EPS15L1: variants seen among roughly 807,000 people sequenced by gnomAD.
The protein encoded by EPS15L1 is epidermal growth factor receptor substrate 15-like 1.
In EPS15L1, 43 loss-of-function variants were observed where a neutral mutation model predicts 117.1. The observed-to-expected ratio is 0.37, with a 90% CI of 0.29 to 0.47. The LOEUF is 0.47. EPS15L1 is among the 20% of genes least tolerant of loss of function. EPS15L1 has a pLI of 0.99. For synonymous variants in EPS15L1, 459 were observed against 470.5 expected (o/e 0.98, Z 0.32); for missense variants, 981 against 1,164.0 (o/e 0.84, Z 2.29).
intron 17 of EPS15L1, 49 bp downstream of exon 17, chr19:16,395,295 C>T: frequency 6.4e-7 from 1 of 1,569,668 alleles, no homozygotes; most frequent in African/African-American, 1.4e-5. Context: ...CTAAATTCGA[C>T]ATAAAACACA....
intron 10 of EPS15L1, 49 bp from the exon 11 acceptor site, chr19:16,418,153 G>T: frequency 1.9e-6 from 3 of 1,562,052 alleles, no homozygotes; most frequent in South Asian, 1.2e-5. Context: ...CGCCGACTCA[G>T]CCTGAACCCA....
At chr19:16,437,162 G>A (rs1276160460) in intron 5 of EPS15L1, 163 bp from the exon 6 acceptor site, 4 of 608,878 alleles carry the variant, frequency 6.6e-6, no homozygotes, top group South Asian at 2.0e-5. Context: ...CCACTCCTAC[G>A]TATTGACCCA....
At chr19:16,464,965 G>C (rs913635201) in intron 1 of EPS15L1, among the ~76,000 whole-genome samples, 2 of 152,006 alleles carry the variant, frequency 1.3e-5, no homozygotes, top group Non-Finnish European at 2.9e-5. Context: ...TGTAGTCCCA[G>C]CTACGCAGGA....
Position 16,404,541 on chromosome 19 carries a change from C to T in EPS15L1, c.1428+47G>A, listed in dbSNP as rs376847146. On this transcript the variant is annotated intron_variant, in intron 14 of 23. Transcript: ENST00000455140. This position sits in a 1 kb window ranked among gnomAD's most constrained non-coding sequence, Gnocchi z 4.2. ...CGAGCTCAGGGGAGTCCTTGGGAAG[C>T]CCCTGCCTGTGCATAGGGCGCTGCC... The T allele has an allele frequency of 4.4e-6, 7 of 1,606,646 alleles. No homozygotes were observed. In the South Asian group the frequency reaches 4.4e-5, roughly 10 times the overall value.
rs565490656 is a variant in EPS15L1, at chr19:16,420,739, GC to G, written c.950+579del. Among the ~76,000 whole-genome samples, 438 of 152,364 alleles carry G rather than the reference GC, an allele frequency of 2.9e-3. 3 individuals are homozygous for G. Among genetic ancestry groups the G allele is most frequent in the African/African-American group, 9.9e-3 (410 of 41,582 alleles). ...AAGCTCAAAAGTGACTTCAGCCCTG[GC>G]CAGTGGCAAGAGGAGTGCCCCAGCC... On this transcript the variant is annotated intron_variant, in intron 10 of 23. Transcript: ENST00000455140.
In EPS15L1 at chr19:16,404,888, G is replaced by A. The variant is rs762917821; in HGVS notation, c.1267-139C>T. Reference sequence around the variant, plus strand: ...TGACCGTGCTCAGGGCCAGCATTCCGTGCACACCCACGGCCAATGTGTGCC... The same window carrying A: ...TGACCGTGCTCAGGGCCAGCATTCCATGCACACCCACGGCCAATGTGTGCC... On this transcript the variant is annotated intron_variant, in intron 13 of 23. Transcript: ENST00000455140. The surrounding 1 kb of genome is among the most constrained non-coding windows in gnomAD (Gnocchi z 4.2). The A allele has an allele frequency of 1.6e-5, 14 of 895,282 alleles. No homozygotes were observed. Among genetic ancestry groups the A allele is most frequent in the African/African-American group, 3.3e-5 (2 of 59,816 alleles). 55.5% of individuals were successfully genotyped at this position (895,282 alleles called of 1,614,324 possible).
At chr19:16,388,846 A>G (rs1004454964) in intron 19 of EPS15L1, among the ~76,000 whole-genome samples, 7 of 152,048 alleles carry the variant, frequency 4.6e-5, no homozygotes, top group African/African-American at 1.4e-4. Flanking sequence ...ACAAACAAAC[A>G]AACAAAAACT....
chr19:16,356,557 G>T (rs1192765397), intron 23 of EPS15L1: 1 of 152,076 alleles, frequency 6.6e-6, no homozygotes, highest in South Asian at 2.1e-4. Context: ...TGATCCACCC[G>T]CCTCAGCCTC....
At chr19:16,380,754 T>C (rs1292118580) in intron 21 of EPS15L1, among the ~76,000 whole-genome samples, 1 of 152,256 alleles carries the variant, frequency 6.6e-6, no homozygotes, top group African/African-American at 2.4e-5. Flanking sequence ...TACAATTTAG[T>C]TGCACAGACA....
chr19:16,464,805 T>C (rs376453497), intron 1 of EPS15L1, among the ~76,000 whole-genome samples: 9 of 151,768 alleles, frequency 5.9e-5, no homozygotes, highest in African/African-American at 7.3e-5. Flanking sequence ...AATTCACGGG[T>C]GGGCATGGTG....
intron 22 of EPS15L1, among the ~76,000 whole-genome samples, chr19:16,367,867 T>C (rs1185406270): frequency 2.0e-5 from 3 of 151,362 alleles, no homozygotes; most frequent in Non-Finnish European, 4.4e-5. Context: ...GAAAGGAAAC[T>C]CTCTTGGTTT....
intron 22 of EPS15L1, among the ~76,000 whole-genome samples, chr19:16,367,753 C>CAAAAAA (rs60689307): frequency 9.9e-5 from 5 of 50,668 alleles, no homozygotes; most frequent in Non-Finnish European, 1.6e-4. Flanking sequence ...GGGTGCAAAG[C>CAAAAAA]AAAAAAAAAA....
chr19:16,369,787 G>C (rs1001097738), intron 22 of EPS15L1, among the ~76,000 whole-genome samples: 2 of 152,050 alleles, frequency 1.3e-5, no homozygotes, highest in Non-Finnish European at 2.9e-5. Flanking sequence ...AGACTGGCAG[G>C]TGTCACAATT....
chr19:16,449,149 C>T (rs2093115742), intron 1 of EPS15L1, among the ~76,000 whole-genome samples: 1 of 151,842 alleles, frequency 6.6e-6, no homozygotes, highest in African/African-American at 2.4e-5. Flanking sequence ...TGGTGCACAC[C>T]TGTAGTCCCA....
At chr19:16,454,600 A>G (rs2145146499) in intron 1 of EPS15L1, among the ~76,000 whole-genome samples, 1 of 152,318 alleles carries the variant, frequency 6.6e-6, no homozygotes, top group East Asian at 1.9e-4. Context: ...GAAGACGAAC[A>G]TGCTCGGGGC....
intron 21 of EPS15L1, among the ~76,000 whole-genome samples, chr19:16,379,372 G>C (rs888043639): frequency 3.3e-5 from 5 of 152,188 alleles, no homozygotes; most frequent in African/African-American, 1.2e-4. Flanking sequence ...ATCAGAGTGG[G>C]GCAGAGGTGG....
At chr19:16,411,911 C>T (rs989245813) in intron 13 of EPS15L1, among the ~76,000 whole-genome samples, 4 of 152,062 alleles carry the variant, frequency 2.6e-5, no homozygotes, top group African/African-American at 9.7e-5. Flanking sequence ...GTTGCCCAGG[C>T]TGGTCTCAAA....
At chr19:16,423,641 G>T (rs905912625) in intron 9 of EPS15L1, among the ~76,000 whole-genome samples, 6 of 152,146 alleles carry the variant, frequency 3.9e-5, no homozygotes, top group South Asian at 2.1e-4. Context: ...AGAGCAACCT[G>T]ATTTTTACTT....
intron 12 of EPS15L1, among the ~76,000 whole-genome samples, chr19:16,414,948 C>G (rs2092744064): frequency 6.6e-6 from 1 of 152,128 alleles, no homozygotes; most frequent in Non-Finnish European, 1.5e-5. Context: ...CTCAACCGAT[C>G]CTCTTGCCTT....
Sources: gnomAD v4.1 joint callset for allele counts (sites outside exome capture counted in the v4.1 genomes callset) on GRCh38, gnomAD v4.1.1 for gene constraint, Gnocchi (gnomAD v3.1) non-coding constraint, MANE v1.5 for transcripts, NCBI Gene and HGNC (gene_info 2026-07-23, HGNC 2026-07-21) for gene names.